Variants in PIWIL4 observed in about 807,000 individuals in gnomAD.
PIWIL4 encodes piwi like RNA-mediated gene silencing 4.
Under a neutral mutation model 100.9 loss-of-function variants are expected in PIWIL4, and 50 were observed. The observed-to-expected ratio is 0.50, with a 90% CI of 0.39 to 0.63. PIWIL4 has a LOEUF of 0.63. Among genes scored for constraint, PIWIL4 ranks in the 20% least tolerant of loss-of-function variants. PIWIL4 has a pLI of 0.00. For synonymous variants in PIWIL4, 342 were observed against 367.5 expected (o/e 0.93, Z 0.79); for missense variants, 887 against 1,043.3 (o/e 0.85, Z 2.06).
chr11:94,580,402 A>G (rs898223645), intron 4 of PIWIL4, among the ~76,000 whole-genome samples: 1 of 152,118 alleles, frequency 6.6e-6, no homozygotes, highest in Admixed American at 6.5e-5. Flanking sequence ...TAGTTGACGC[A>G]ATGAACTCCT....
chr11:94,599,983 C>T (rs1355090696), intron 11 of PIWIL4, among the ~76,000 whole-genome samples: 2 of 152,148 alleles, frequency 1.3e-5, no homozygotes, highest in African/African-American at 2.4e-5. Flanking sequence ...TCAAGTAACA[C>T]TTGACAGCAC....
chr11:94,580,546 C>T (rs1317251392), intron 4 of PIWIL4, among the ~76,000 whole-genome samples: 1 of 152,158 alleles, frequency 6.6e-6, no homozygotes, highest in Admixed American at 6.5e-5. Context: ...TATAAAGAGC[C>T]TACTCTGAAC....
chr11:94,591,645 G>A (rs1275161993), intron 8 of PIWIL4, among the ~76,000 whole-genome samples: 1 of 152,116 alleles, frequency 6.6e-6, no homozygotes, highest in African/African-American at 2.4e-5. Flanking sequence ...TTCTGAAACG[G>A]GAATCATGGT....
rs759077796 is a variant in PIWIL4 at position 94,608,645 on chromosome 11, G to C, written c.1902G>C (p.Met634Ile). Reference protein sequence around the residue: ...VCKDALSKDVMVVGCVASVNP... With the variant: ...VCKDALSKDVIVVGCVASVNP... The stretch of plus-strand genomic sequence containing the variant: ...AAGATGCACTCAGCAAGGACGTGAT[G>C]GTTGTTGGATGCGTGGCCAGTGTTA... The change falls in exon 15 of 20, where the codon ATG becomes ATC. Residue 634 changes from methionine to isoleucine, a missense_variant. Around this residue, in one of 2 missense-constraint regions of PIWIL4, gnomAD observed 741 missense variants for 930.0 expected, o/e 0.80. Coordinates refer to ENST00000299001, the MANE Select transcript of PIWIL4 (RefSeq NM_152431.3). The C allele has an allele frequency of 1.9e-6, 3 of 1,614,180 alleles. No individual in the cohort carries two copies. The highest frequency in any genetic ancestry group is 2.5e-6 in the Non-Finnish European group (3 of 1,180,018).
intron 16 of PIWIL4, 123 bp from the exon 17 acceptor site, chr11:94,617,831 T>C: frequency 1.0e-6 from 1 of 978,364 alleles, no homozygotes; most frequent in East Asian, 2.6e-5. Context: ...CCAAATTATG[T>C]ATTGCCCTAT....
intron 15 of PIWIL4, among the ~76,000 whole-genome samples, chr11:94,615,355 G>A (rs572191517): frequency 4.9e-4 from 75 of 152,298 alleles, no homozygotes; most frequent in African/African-American, 1.7e-3. Context: ...TGTGCCCTCC[G>A]TAGGGGAGGA....
At chr11:94,614,564 C>G (rs2135303080) in intron 15 of PIWIL4, among the ~76,000 whole-genome samples, 1 of 152,278 alleles carries the variant, frequency 6.6e-6, no homozygotes, top group South Asian at 2.1e-4. Context: ...CCTCCTCGGC[C>G]TCTAAAAGTG....
rs139404013 is a variant in PIWIL4, at chr11:94,598,032, T to C, written c.1380+117T>C. ...TATTTGGTTTGGCCATGTACTTCCA[T>C]CTCTTTATCCTAAGACTTCAGATCC... On this transcript the variant is annotated intron_variant, in intron 11 of 19. Coordinates refer to ENST00000299001, the MANE Select transcript of PIWIL4 (RefSeq NM_152431.3). 38 of 720,952 alleles carry C rather than the reference T, an allele frequency of 5.3e-5. No homozygotes were observed. In the African/African-American group the frequency reaches 5.5e-4, roughly 10 times the overall value. 44.7% of individuals were successfully genotyped at this position (720,952 alleles called of 1,614,324 possible).
chr11:94,617,477 A>G (rs1045806206), intron 16 of PIWIL4, among the ~76,000 whole-genome samples: 34 of 152,264 alleles, frequency 2.2e-4, no homozygotes, highest in African/African-American at 8.2e-4. Flanking sequence ...CTCAGTGAGA[A>G]TTGGAATCAA....
At chr11:94,616,730 C>A (rs912259921) in intron 16 of PIWIL4, among the ~76,000 whole-genome samples, 167 bp downstream of exon 16, 20 of 152,312 alleles carry the variant, frequency 1.3e-4, no homozygotes, top group Admixed American at 1.2e-3. Flanking sequence ...TTTAGGCCAA[C>A]AATCAGACTA....
At chr11:94,590,950 C>A (rs1213053776) in intron 8 of PIWIL4, among the ~76,000 whole-genome samples, 1 of 152,102 alleles carries the variant, frequency 6.6e-6, no homozygotes, top group African/African-American at 2.4e-5. Flanking sequence ...GGTCCTGGCT[C>A]CAGCTGTGTA....
intron 17 of PIWIL4, 70 bp downstream of exon 17, chr11:94,618,177 G>T: frequency 7.0e-7 from 1 of 1,423,700 alleles, no homozygotes; most frequent in South Asian, 1.6e-5. Flanking sequence ...TTACACACAA[G>T]GTATTCAAGC....
chr11:94,590,207 T>C (rs1172868465), intron 8 of PIWIL4, among the ~76,000 whole-genome samples: 1 of 152,208 alleles, frequency 6.6e-6, no homozygotes, highest in African/African-American at 2.4e-5. Flanking sequence ...ACCTCAGCAG[T>C]CTGGTATCCA....
rs1177657579 is a variant in PIWIL4 at position 94,621,009 on chromosome 11, C to T, written c.*17C>T. On this transcript the variant is annotated 3_prime_UTR_variant, in exon 20 of 20. Transcript: ENST00000299001. The stretch of plus-strand genomic sequence containing the variant: ...TACCTGTGATGGCATGAACTACTGG[C>T]ATCACTAGATGGACAATCCAAGAAG... 3.2e-6 allele frequency: 5 copies of T among 1,544,552 alleles called. No individual in the cohort carries two copies. The highest frequency in any genetic ancestry group is 4.5e-6 in the Non-Finnish European group (5 of 1,117,330).
At chr11:94,619,504 T>C (rs1357327563) in intron 17 of PIWIL4, among the ~76,000 whole-genome samples, 2 of 152,176 alleles carry the variant, frequency 1.3e-5, no homozygotes, top group African/African-American at 4.8e-5. Flanking sequence ...CAGCATTCCT[T>C]CCTGCCCCCT....
intron 12 of PIWIL4, among the ~76,000 whole-genome samples, chr11:94,603,236 T>G (rs1948668588): frequency 6.6e-6 from 1 of 152,180 alleles, no homozygotes; most frequent in Non-Finnish European, 1.5e-5. Context: ...GGTCTGTTAG[T>G]ATCTGCAGTC....
At chr11:94,571,661 A>G (rs1948157083) in intron 2 of PIWIL4, among the ~76,000 whole-genome samples, 1 of 152,212 alleles carries the variant, frequency 6.6e-6, no homozygotes, top group Non-Finnish European at 1.5e-5. Flanking sequence ...TATATGTGCC[A>G]CATTTTCTTA....
chr11:94,611,724 ATC>A (rs71305370), intron 15 of PIWIL4, among the ~76,000 whole-genome samples: 1 of 151,864 alleles, frequency 6.6e-6, no homozygotes. Context: ...ATGTCTCTTG[ATC>A]TCTCTCTTTT....
chr11:94,580,783 T>C (rs1948300031), intron 4 of PIWIL4, among the ~76,000 whole-genome samples: 1 of 152,050 alleles, frequency 6.6e-6, no homozygotes, highest in Admixed American at 6.6e-5. Context: ...TCAACATCTC[T>C]CTCTTGAGCA....
Sources: allele counts gnomAD v4.1 joint callset (sites outside exome capture counted in the v4.1 genomes callset), GRCh38; gene constraint gnomAD v4.1.1; regional missense constraint gnomAD v4.1.1; transcripts MANE v1.5; gene names NCBI Gene and HGNC (gene_info 2026-07-23, HGNC 2026-07-21).